Variants in THOC1 observed in about 807,000 individuals in gnomAD.
THOC1 encodes THO complex subunit 1, also known as THO complex 1.
A neutral mutation model predicts 97.3 loss-of-function variants in THOC1; 29 were observed. The observed-to-expected ratio is 0.30, with a 90% CI of 0.22 to 0.41. The LOEUF (loss-of-function observed/expected upper bound fraction) is 0.41, where lower values mean the gene tolerates loss of function less well. Ranked by LOEUF, THOC1 falls within the 10% of genes least tolerant of loss-of-function variation. The probability of loss-of-function intolerance (pLI) is 1.00; values close to 1 mark genes in which losing one functional copy is unlikely to be tolerated. For missense variants in THOC1, 529 were observed against 761.9 expected (o/e 0.69, Z 3.60); for synonymous variants, 255 against 257.0 (o/e 0.99, Z 0.07).
At chr18:251,565 G>GA (rs138239960) in intron 9 of THOC1, among the ~76,000 whole-genome samples, 32,602 of 150,782 alleles carry the variant, frequency 0.22, 3,942 homozygotes, top group South Asian at 0.35. Context: ...ACGTTGATGA[G>GA]AAAAAAAAAA....
chr18:265,807 AC>A (rs1200389442), intron 1 of THOC1, among the ~76,000 whole-genome samples: 5 of 143,640 alleles, frequency 3.5e-5, no homozygotes, highest in African/African-American at 1.2e-4. Flanking sequence ...TATTGTGCTT[AC>A]AAAAAAAAAA....
chr18:228,840 A>C (rs186961488), intron 11 of THOC1, among the ~76,000 whole-genome samples: 2 of 152,320 alleles, frequency 1.3e-5, no homozygotes, highest in East Asian at 3.9e-4. Context: ...GTATGTTGTC[A>C]CCACCTTAAA....
At chr18:252,818 G>C (rs1912323960) in intron 8 of THOC1, among the ~76,000 whole-genome samples, 2 of 152,128 alleles carry the variant, frequency 1.3e-5, no homozygotes, top group South Asian at 4.2e-4. Context: ...GTATGACAAT[G>C]ATATAACACA....
chr18:215,583 C>T (rs887981929), intron 19 of THOC1, 79 bp from the exon 20 acceptor site: 8 of 1,165,430 alleles, frequency 6.9e-6, no homozygotes, highest in African/African-American at 3.0e-5. Context: ...TGGATAAGGA[C>T]GGTTGTGAGA....
chr18:264,119 T>C, intron 3 of THOC1, 27 bp from the exon 4 acceptor site: 1 of 1,548,694 alleles, frequency 6.5e-7, no homozygotes, highest in East Asian at 2.2e-5. Context: ...AACAATTTAA[T>C]TTAGGGGCAA....
At chr18:227,649 C>T (rs1364546222) in intron 11 of THOC1, among the ~76,000 whole-genome samples, 10 of 152,168 alleles carry the variant, frequency 6.6e-5, no homozygotes, top group Admixed American at 5.9e-4. Flanking sequence ...GAATAACCTG[C>T]GGCGATGAAG....
At chr18:255,095 G>A (rs1440154571) in intron 7 of THOC1, among the ~76,000 whole-genome samples, 10 of 152,182 alleles carry the variant, frequency 6.6e-5, no homozygotes, top group South Asian at 2.1e-4. Flanking sequence ...CCGACCAACC[G>A]TTCCCATGAC....
intron 11 of THOC1, among the ~76,000 whole-genome samples, chr18:228,540 A>C (rs1402161589): frequency 3.3e-5 from 5 of 152,112 alleles, no homozygotes; most frequent in Non-Finnish European, 5.9e-5. Context: ...AAAAAAACCA[A>C]AATCACCAAA....
chr18:236,337 A>G (rs1182662601), intron 11 of THOC1, among the ~76,000 whole-genome samples: 2 of 149,026 alleles, frequency 1.3e-5, no homozygotes, highest in Admixed American at 6.8e-5. Flanking sequence ...CATAACTAGG[A>G]AAGAATAAGA....
At chr18:246,158 C>T in intron 11 of THOC1, 166 bp downstream of exon 11, 1 of 570,596 alleles carries the variant, frequency 1.8e-6, no homozygotes, top group Non-Finnish European at 2.9e-6. Flanking sequence ...AGTCCTACTT[C>T]TGAAAGGAAG....
rs1912369177 is a variant in THOC1, at chr18:254,239, TATGTTATCTGAGAAG to T, written c.603+19_603+33del. On this transcript the variant is annotated intron_variant, in intron 8 of 20. Transcript: ENST00000261600. This position sits in a 1 kb window ranked among gnomAD's most constrained non-coding sequence, Gnocchi z 4.1. ...ACTATCTTAATAACAAACTTGCAAA[TATGTTATCTGAGAAG>T]ATTTCAAATCAGCCTCACCTTCTGA... The T allele has an allele frequency of 6.9e-7, 1 of 1,454,964 alleles. No homozygotes were observed. 90.1% of individuals were successfully genotyped at this position (1,454,964 alleles called of 1,614,324 possible). A position where few individuals can be genotyped will look rare whatever the true frequency, so the allele number is the denominator to read the frequency against.
chr18:233,566 A>G (rs1471290561), intron 11 of THOC1, among the ~76,000 whole-genome samples: 2 of 152,230 alleles, frequency 1.3e-5, no homozygotes, highest in East Asian at 3.9e-4. Flanking sequence ...CCTGGGCAAC[A>G]AGAGTGAAAC....
rs1158408949 is a variant in THOC1, at chr18:223,473, G to A, written c.1337C>T (p.Pro446Leu). ...TGATTTACAGGCTTCCATATTATCAGGGCAAAGATTCCAAAGCCTTGTTAA... is the reference window on the plus strand; with the variant it reads ...TGATTTACAGGCTTCCATATTATCAAGGCAAAGATTCCAAAGCCTTGTTAA... ...EELTRLWNLC[P>L]DNMEACKSET... The change falls in exon 17 of 21, where the codon CCT (proline) becomes CTT (leucine). Residue 446 changes from proline to leucine, a missense_variant. Around this residue, in one of 8 missense-constraint regions of THOC1, gnomAD observed 123 missense variants for 159.0 expected, o/e 0.77. Coordinates refer to ENST00000261600, the MANE Select transcript of THOC1 (RefSeq NM_005131.3). 1 of 1,561,052 alleles carries A rather than the reference G, an allele frequency of 6.4e-7. No homozygotes were observed. Among genetic ancestry groups the A allele is most frequent in the East Asian group, 2.4e-5 (1 of 42,382 alleles).
At chr18:251,532 T>C (rs1912278368) in intron 9 of THOC1, among the ~76,000 whole-genome samples, 1 of 152,052 alleles carries the variant, frequency 6.6e-6, no homozygotes, top group African/African-American at 2.4e-5. Context: ...TAACGATGTT[T>C]CCTTCAACAT....
Position 214,600 on chromosome 18 carries a change from T to TTTAA in THOC1, c.*22_*25dup. 1.9e-6 allele frequency: 3 copies of TTTAA among 1,574,422 alleles called. No homozygotes were observed. The highest frequency in any genetic ancestry group is 2.6e-6 in the Non-Finnish European group (3 of 1,159,238). ...GCTTGGTAACAAAATCTATCACAGT[T>TTTAA]TTAATAAAAAGAAAAAAAAAAGAAG... On this transcript the variant is annotated 3_prime_UTR_variant, in exon 21 of 21. Coordinates refer to ENST00000261600, the MANE Select transcript of THOC1 (RefSeq NM_005131.3).
At chr18:230,352 TA>T (rs1312691558) in intron 11 of THOC1, among the ~76,000 whole-genome samples, 10 of 152,016 alleles carry the variant, frequency 6.6e-5, no homozygotes, top group Non-Finnish European at 1.5e-4. Context: ...ACATCTGGAG[TA>T]GAGATGTGAA....
intron 11 of THOC1, chr18:244,461 T>G (rs922153641): frequency 6.6e-6 from 1 of 152,166 alleles, no homozygotes; most frequent in Non-Finnish European, 1.5e-5. Flanking sequence ...TTGAGTATAT[T>G]TAACTCGGTA....
rs1415117002 is a variant in THOC1, at chr18:223,457, G to A, written c.1353C>T (p.Ala451=). ...LWNLCPDNME[A]CKSETREHMP... Reference sequence around the variant, plus strand: ...CAACTTGCCTTGTCTCTGATTTACAGGCTTCCATATTATCAGGGCAAAGAT... The same window carrying A: ...CAACTTGCCTTGTCTCTGATTTACAAGCTTCCATATTATCAGGGCAAAGAT... Residue 451 remains alanine (A), a synonymous_variant, in exon 17 of 21, where the codon GCC becomes GCT. Coordinates refer to ENST00000261600, the MANE Select transcript of THOC1 (RefSeq NM_005131.3). 2 of 1,558,696 alleles carry A rather than the reference G, an allele frequency of 1.3e-6. No homozygotes were observed. Among genetic ancestry groups the A allele is most frequent in the Admixed American group, 3.9e-5 (2 of 51,728 alleles).
intron 11 of THOC1, among the ~76,000 whole-genome samples, chr18:229,769 T>C (rs1911420592): frequency 6.6e-6 from 1 of 152,194 alleles, no homozygotes; most frequent in East Asian, 1.9e-4. Context: ...GTCCTCATCC[T>C]ACTTGATATG....
Sources: allele counts gnomAD v4.1 joint callset (sites outside exome capture counted in the v4.1 genomes callset), GRCh38; gene constraint gnomAD v4.1.1; regional missense constraint gnomAD v4.1.1; non-coding constraint Gnocchi (gnomAD v3.1); transcripts MANE v1.5; gene names NCBI Gene and HGNC (gene_info 2026-07-23, HGNC 2026-07-21).